FAM81A: variants seen among roughly 807,000 people sequenced by gnomAD.
FAM81A encodes protein FAM81A.
In FAM81A, 19 loss-of-function variants were observed where a neutral mutation model predicts 46.7. The observed-to-expected ratio is 0.41, with a 90% CI of 0.28 to 0.60. FAM81A has a LOEUF of 0.60. FAM81A is among the 20% of genes least tolerant of loss of function. The probability of loss-of-function intolerance (pLI) is 0.34; values close to 1 mark genes in which losing one functional copy is unlikely to be tolerated. For missense variants in FAM81A, 377 were observed against 453.5 expected, an observed-to-expected ratio of 0.83 and a Z score of 1.53; for synonymous variants, 183 against 152.9, an observed-to-expected ratio of 1.20 and a Z score of -1.45.
chr15:59,437,524 G>A (rs2081251598), upstream of FAM81A, among the ~76,000 whole-genome samples: 2 of 152,252 alleles, frequency 1.3e-5, no homozygotes, highest in Middle Eastern at 3.4e-3. Context: ...GGGAAGAGGA[G>A]GGGTGTTCGG....
Position 59,511,744 on chromosome 15 carries a change from C to T in FAM81A, c.651-2545C>T, listed in dbSNP as rs907887783. ...TCGGCTCACTGCAACCTCCACCTCC[C>T]GGGTTCAGCGATTCTCCTGCCTCAG... On this transcript the variant is annotated intron_variant, in intron 6 of 8. Coordinates refer to ENST00000288228, the MANE Select transcript of FAM81A (RefSeq NM_152450.3). 3.9e-5 allele frequency among the ~76,000 whole-genome samples: 6 copies of T among 152,124 alleles called. No individual in the cohort carries two copies. In the South Asian group the frequency reaches 8.3e-4, roughly 21 times the overall value.
intron 3 of FAM81A, among the ~76,000 whole-genome samples, chr15:59,468,745 C>T (rs1373968992): frequency 6.6e-6 from 1 of 151,138 alleles, no homozygotes; most frequent in Non-Finnish European, 1.5e-5. Flanking sequence ...TTATTTCTTG[C>T]CTTATGCTAG....
At chr15:59,437,976 G>A (rs774531464), upstream of FAM81A, among the ~76,000 whole-genome samples, 1 of 151,836 alleles carries the variant, frequency 6.6e-6, no homozygotes, top group South Asian at 2.1e-4. Context: ...GAGGGAGGAG[G>A]GGCGGCGCCG....
At chr15:59,505,575 T>A (rs1274400452) in intron 4 of FAM81A, among the ~76,000 whole-genome samples, 7 of 151,578 alleles carry the variant, frequency 4.6e-5, no homozygotes, top group African/African-American at 1.5e-4. Context: ...AGCATGGAAG[T>A]AAGTGATTTG....
intron 8 of FAM81A, among the ~76,000 whole-genome samples, chr15:59,519,848 T>G (rs1340038218): frequency 6.6e-6 from 1 of 152,168 alleles, no homozygotes; most frequent in Non-Finnish European, 1.5e-5. Context: ...TCTTGGCTAT[T>G]GTAAATAATG....
chr15:59,422,234 A>T (rs2081177295), intron 2 of FAM81A, among the ~76,000 whole-genome samples: 1 of 152,048 alleles, frequency 6.6e-6, no homozygotes, highest in African/African-American at 2.4e-5. Flanking sequence ...ACAAAATAAA[A>T]AGAATTAGCC....
At chr15:59,500,649 G>A (rs539407000) in intron 4 of FAM81A, among the ~76,000 whole-genome samples, 34 of 151,406 alleles carry the variant, frequency 2.2e-4, no homozygotes, top group African/African-American at 7.0e-4. Flanking sequence ...GCATTTACTG[G>A]TGTCTCATTT....
rs572840738 is a variant in FAM81A, at chr15:59,418,988, T to A, written c.-78+16630T>A. On this transcript the variant is annotated intron_variant, in intron 2 of 4. Transcript: ENST00000558348. ...GAACAGACTGGCTGTAGAAAAAAAA[T>A]GTCTTAGGCAGAAGACTGATTCAAA... Among the ~76,000 whole-genome samples the A allele has an allele frequency of 3.3e-5, 5 of 152,288 alleles. No individual in the cohort carries two copies. In the South Asian group the frequency reaches 6.2e-4, roughly 19 times the overall value.
Position 59,460,001 on chromosome 15 carries a change from T to C in FAM81A, c.89T>C (p.Val30Ala). ...TMAPYSSVSL[V>A]EQLEDRILCH... ...GCACCATACTCATCTGTAAGCCTCG[T>C]GGAGCAGCTGGAAGACAGGATCCTC... The change falls in exon 3 of 9, where the codon GTG (valine) becomes GCG (alanine). Residue 30 changes from valine (V) to alanine (A), a missense_variant. Transcript: ENST00000288228. This position sits in a 1 kb window ranked among gnomAD's most constrained non-coding sequence, Gnocchi z 4.4. 1 of 1,613,520 alleles carries C rather than the reference T, an allele frequency of 6.2e-7. No homozygotes were observed. The highest frequency in any genetic ancestry group is 8.5e-7 in the Non-Finnish European group (1 of 1,179,714).
chr15:59,403,901 TGAG>T lies in FAM81A; in HGVS notation c.-78+1544_-78+1546del, dbSNP rs777550378. Among the ~76,000 whole-genome samples the T allele has an allele frequency of 2.3e-3, 349 of 151,274 alleles. 1 individual carries two copies. The highest frequency in any genetic ancestry group is 3.7e-3 in the Non-Finnish European group (253 of 67,780). The stretch of plus-strand genomic sequence containing the variant: ...TCTTTTCTTTTCTTTTTTTTTTTTT[TGAG>T]ACAGAGTCTCACTCTGTCACCCAGG... On this transcript the variant is annotated intron_variant, in intron 2 of 4. Coordinates refer to the FAM81A transcript ENST00000558348.
intron 2 of FAM81A, among the ~76,000 whole-genome samples, chr15:59,413,606 T>C (rs2081132361): frequency 6.6e-6 from 1 of 152,154 alleles, no homozygotes; most frequent in East Asian, 1.9e-4. Context: ...TTATCTGCTG[T>C]TCCTTATTGT....
At chr15:59,440,499 A>G (rs557971560) in intron 1 of FAM81A, among the ~76,000 whole-genome samples, 1 of 152,318 alleles carries the variant, frequency 6.6e-6, no homozygotes, top group East Asian at 1.9e-4. Context: ...GTCTCTTGCC[A>G]GTGACTTTGG....
intron 3 of FAM81A, among the ~76,000 whole-genome samples, chr15:59,468,120 A>G (rs1170824382): frequency 6.6e-6 from 1 of 152,108 alleles, no homozygotes; most frequent in African/African-American, 2.4e-5. Flanking sequence ...CCAGTATTTT[A>G]TTGAGGATTT....
chr15:59,461,296 T>TTTTC (rs1343801070), intron 3 of FAM81A, among the ~76,000 whole-genome samples: 2 of 152,088 alleles, frequency 1.3e-5, no homozygotes, highest in Admixed American at 6.5e-5. Flanking sequence ...CTTTCTTTCC[T>TTTTC]TTTCTTTCTT....
chr15:59,436,427 G>C (rs1017368609), upstream of FAM81A, among the ~76,000 whole-genome samples: 1 of 152,196 alleles, frequency 6.6e-6, no homozygotes, highest in East Asian at 1.9e-4. Flanking sequence ...GGGTGGGCGG[G>C]GAAAGGGTAG....
intron 2 of FAM81A, among the ~76,000 whole-genome samples, chr15:59,413,831 G>A (rs1223774116): frequency 6.6e-6 from 1 of 152,218 alleles, no homozygotes; most frequent in Non-Finnish European, 1.5e-5. Context: ...TGCTTGGGAA[G>A]CCACAGCCCA....
chr15:59,485,479 T>G (rs188386072), intron 3 of FAM81A, among the ~76,000 whole-genome samples: 1 of 152,308 alleles, frequency 6.6e-6, no homozygotes, highest in Non-Finnish European at 1.5e-5. Context: ...TGCCTGGTAA[T>G]CCAGAGAAAT....
Position 59,472,495 on chromosome 15 carries a change from T to C in FAM81A, c.294+12289T>C, listed in dbSNP as rs571925607. The stretch of plus-strand genomic sequence containing the variant: ...TGCTTGGACCTCAGGAAATACTCTT[T>C]GTGTCTTCTTCTCAACCTGCATAAC... On this transcript the variant is annotated intron_variant, in intron 3 of 8. Coordinates refer to ENST00000288228, the MANE Select transcript of FAM81A (RefSeq NM_152450.3). 9.2e-5 allele frequency among the ~76,000 whole-genome samples: 14 copies of C among 152,262 alleles called. No individual in the cohort carries two copies. The South Asian group carries it at 2.7e-3, about 29-fold the overall frequency.
chr15:59,486,239 G>A (rs1184430597), intron 3 of FAM81A, among the ~76,000 whole-genome samples: 1 of 152,020 alleles, frequency 6.6e-6, no homozygotes, highest in Non-Finnish European at 1.5e-5. Flanking sequence ...TTCTGGAGTG[G>A]AAAAATGCTA....
Sources: allele counts gnomAD v4.1 joint callset (sites outside exome capture counted in the v4.1 genomes callset), GRCh38; gene constraint gnomAD v4.1.1; non-coding constraint Gnocchi (gnomAD v3.1); transcripts MANE v1.5; gene names NCBI Gene and HGNC (gene_info 2026-07-23, HGNC 2026-07-21).